EYA1: variants seen among roughly 807,000 people sequenced by gnomAD.
EYA1 encodes the protein protein phosphatase EYA1.
Under a neutral mutation model 82.0 loss-of-function variants are expected in EYA1, and 16 were observed. That is an observed-to-expected ratio of 0.20 (90% CI 0.13 to 0.30). EYA1 has a LOEUF of 0.30. Among genes scored for constraint, EYA1 ranks in the 10% least tolerant of loss-of-function variants. The pLI is 1.00. For synonymous variants in EYA1, 261 were observed against 264.4 expected, an observed-to-expected ratio of 0.99 and a Z score of 0.12; for missense variants, 633 against 730.7, an observed-to-expected ratio of 0.87 and a Z score of 1.54.
At chr8:71,369,213 A>AC (rs1247805248) in intron 2 of EYA1, among the ~76,000 whole-genome samples, 25 of 151,896 alleles carry the variant, frequency 1.6e-4, no homozygotes, top group African/African-American at 6.1e-4. Context: ...AAAAAAAAAA[A>AC]AAAAAAAAAA....
chr8:71,496,896 C>T (rs1481317294), intron 2 of EYA1, among the ~76,000 whole-genome samples: 2 of 135,576 alleles, frequency 1.5e-5, no homozygotes, highest in Admixed American at 1.6e-4. Flanking sequence ...CTTTTTCTAG[C>T]ATGGTAAACT....
chr8:71,319,484 T>G (rs1654053119), intron 6 of EYA1, among the ~76,000 whole-genome samples: 1 of 152,056 alleles, frequency 6.6e-6, no homozygotes, highest in Non-Finnish European at 1.5e-5. Context: ...TGGGGATCTT[T>G]GTGATAAGAA....
chr8:71,538,981 C>T (rs1471931953), intron 1 of EYA1, among the ~76,000 whole-genome samples: 1 of 152,122 alleles, frequency 6.6e-6, no homozygotes, highest in African/African-American at 2.4e-5. Flanking sequence ...TATTTACGCA[C>T]TTTTGAGTCA....
At chr8:71,547,654 A>G (rs13269725) in intron 1 of EYA1, 8,958 of 151,548 alleles carry the variant, frequency 0.059, 337 homozygotes, top group East Asian at 0.13. Context: ...GCCCAGGGGC[A>G]TCAGCAGCCG....
At chr8:71,370,309 C>A (rs1251021312) in intron 2 of EYA1, among the ~76,000 whole-genome samples, 2 of 150,762 alleles carry the variant, frequency 1.3e-5, no homozygotes, top group African/African-American at 4.9e-5. Flanking sequence ...AGAAATCTAA[C>A]CAACAAAAGT....
At chr8:71,445,709 G>C (rs532306248) in intron 2 of EYA1, among the ~76,000 whole-genome samples, 1 of 152,178 alleles carries the variant, frequency 6.6e-6, no homozygotes, top group South Asian at 2.1e-4. Context: ...CACGATCTCG[G>C]CTCACTGCCA....
chr8:71,208,450 C>T (rs576141007), intron 17 of EYA1, among the ~76,000 whole-genome samples: 15 of 151,052 alleles, frequency 9.9e-5, no homozygotes, highest in African/African-American at 2.7e-4. Context: ...AAACCAAAAA[C>T]GAACCTCAGC....
At chr8:71,248,568 C>G (rs995505585) in intron 11 of EYA1, among the ~76,000 whole-genome samples, 1 of 152,106 alleles carries the variant, frequency 6.6e-6, no homozygotes, top group Non-Finnish European at 1.5e-5. Context: ...CACGGAGTTC[C>G]TAGAGGGTTG....
chr8:71,295,677 C>T (rs756614101), intron 9 of EYA1, among the ~76,000 whole-genome samples: 8 of 152,144 alleles, frequency 5.3e-5, no homozygotes, highest in African/African-American at 7.2e-5. Context: ...TAAAGCTAAA[C>T]GTAGTGCTGC....
chr8:71,385,682 T>A (rs1158554587), intron 2 of EYA1, among the ~76,000 whole-genome samples: 1 of 152,176 alleles, frequency 6.6e-6, no homozygotes, highest in African/African-American at 2.4e-5. Flanking sequence ...TCAGAAGGAA[T>A]ACTTAAACCC....
At chr8:71,236,244 C>G (rs1275286763) in intron 12 of EYA1, among the ~76,000 whole-genome samples, 1 of 152,096 alleles carries the variant, frequency 6.6e-6, no homozygotes, top group Non-Finnish European at 1.5e-5. Context: ...CCGTGTTGGT[C>G]AGACGGGTTT....
intron 12 of EYA1, among the ~76,000 whole-genome samples, chr8:71,241,920 T>C (rs1014649814): frequency 2.0e-5 from 3 of 152,148 alleles, no homozygotes; most frequent in African/African-American, 7.2e-5. Context: ...AAATAAAAGA[T>C]TGGCCTGGGA....
chr8:71,314,023 G>A (rs183646959), intron 7 of EYA1, among the ~76,000 whole-genome samples: 30 of 152,000 alleles, frequency 2.0e-4, no homozygotes, highest in Admixed American at 6.5e-4. Context: ...AAGATTTCCC[G>A]GAAATAAAGC....
In EYA1 at chr8:71,303,028, G is replaced by A. The variant is rs1011064240; in HGVS notation, c.557-3308C>T. On this transcript the variant is annotated intron_variant, in intron 7 of 17. Transcript: ENST00000340726. ...CAGCAACTGTGACTCCAATGCACCC[G>A]GGCATACATTCCAGCCTAACCCTAG... 1.1e-4 allele frequency among the ~76,000 whole-genome samples: 15 copies of A among 141,986 alleles called. 1 individual carries two copies. The highest frequency in any genetic ancestry group is 3.5e-4 in the African/African-American group (14 of 40,204). The allele number at this position is 141,986 out of a possible 152,430, so 93.1% of individuals were successfully genotyped here. A position where few individuals can be genotyped will look rare whatever the true frequency, so the allele number is the denominator to read the frequency against.
chr8:71,426,380 T>C (rs1421872685), intron 2 of EYA1, among the ~76,000 whole-genome samples: 2 of 152,228 alleles, frequency 1.3e-5, no homozygotes, highest in African/African-American at 4.8e-5. Flanking sequence ...ACATATTTGA[T>C]GTACAAGATC....
At chr8:71,210,401 C>T (rs908006779) in intron 17 of EYA1, among the ~76,000 whole-genome samples, 2 of 152,124 alleles carry the variant, frequency 1.3e-5, no homozygotes, top group South Asian at 4.2e-4. Flanking sequence ...TGGACTGACA[C>T]AACTACAGTG....
At chr8:71,467,650 G>A (rs527305745) in intron 2 of EYA1, among the ~76,000 whole-genome samples, 1 of 152,128 alleles carries the variant, frequency 6.6e-6, no homozygotes, top group Non-Finnish European at 1.5e-5. Context: ...CTTCCCATTA[G>A]AGTCATTGAC....
intron 2 of EYA1, among the ~76,000 whole-genome samples, chr8:71,535,505 G>A (rs1013675426): frequency 2.0e-5 from 3 of 152,088 alleles, no homozygotes; most frequent in Non-Finnish European, 4.4e-5. Context: ...AATACTAAAG[G>A]TTAGGTTTTT....
At chr8:71,476,520 A>G (rs188560961) in intron 2 of EYA1, among the ~76,000 whole-genome samples, 269 of 152,242 alleles carry the variant, frequency 1.8e-3, no homozygotes, top group Middle Eastern at 3.4e-3. Context: ...CAACCAAGGA[A>G]GGTCAAGACT....
Sources: allele counts gnomAD v4.1 joint callset (sites outside exome capture counted in the v4.1 genomes callset), GRCh38; gene constraint gnomAD v4.1.1; transcripts MANE v1.5; gene names NCBI Gene and HGNC (gene_info 2026-07-23, HGNC 2026-07-21).